OPHN1: variants seen among roughly 807,000 people sequenced by gnomAD.
OPHN1 encodes oligophrenin-1.
In OPHN1, 11 loss-of-function variants were observed where a neutral mutation model predicts 60.7. That is an observed-to-expected ratio of 0.18 (90% CI 0.11 to 0.30). The LOEUF is 0.30. Among genes scored for constraint, OPHN1 ranks in the 10% least tolerant of loss-of-function variants. The pLI is 1.00. For missense variants in OPHN1, 449 were observed against 611.0 expected (o/e 0.73, Z 2.80); for synonymous variants, 226 against 222.6 (o/e 1.02, Z -0.14).
intron 3 of OPHN1, among the ~76,000 whole-genome samples, chrX:68,290,084 TATTG>T (rs1393042479): frequency 9.0e-6 from 1 of 111,564 alleles, no homozygotes; most frequent in Admixed American, 9.5e-5. Flanking sequence ...CTTAACTATT[TATTG>T]ATTATTTACT....
chrX:68,365,055 G>T (rs1049508946), intron 2 of OPHN1, among the ~76,000 whole-genome samples: 1 of 112,158 alleles, frequency 8.9e-6, no homozygotes, highest in Non-Finnish European at 1.9e-5. Context: ...TATGATAACT[G>T]CTCCATGTGC....
intron 18 of OPHN1, among the ~76,000 whole-genome samples, chrX:68,109,703 C>T (rs780590275): frequency 2.1e-3 from 231 of 111,458 alleles, no homozygotes; most frequent in African/African-American, 7.1e-3. Flanking sequence ...GAAAAGCTAG[C>T]ATATTATAAA....
intron 21 of OPHN1, among the ~76,000 whole-genome samples, chrX:68,054,538 A>G (rs2147349916): frequency 9.0e-6 from 1 of 110,966 alleles, no homozygotes; most frequent in Non-Finnish European, 1.9e-5. Flanking sequence ...AACAGGCCCA[A>G]ATGGACTAAT....
chrX:68,384,903 C>T lies in OPHN1; in HGVS notation c.154+47964G>A, dbSNP rs1042600299. On this transcript the variant is annotated intron_variant, in intron 2 of 24. Transcript: ENST00000355520. The stretch of plus-strand genomic sequence containing the variant: ...AATGATATAACAGGCTTGGGGTCTC[C>T]GGGGGAAGGTTGGGAGGAGGGTGAC... Among the ~76,000 whole-genome samples the T allele has an allele frequency of 2.7e-5, 3 of 110,045 alleles. No individual in the cohort carries two copies. The Admixed American group carries it at 2.9e-4, about 11-fold the overall frequency.
At chrX:68,238,158 A>G (rs988066582) in intron 5 of OPHN1, among the ~76,000 whole-genome samples, 1 of 111,848 alleles carries the variant, frequency 8.9e-6, no homozygotes, top group African/African-American at 3.2e-5. Context: ...TTGTGATGTT[A>G]CGTAGGAATC....
chrX:68,122,359 A>G (rs2077154012), intron 15 of OPHN1, among the ~76,000 whole-genome samples: 1 of 110,977 alleles, frequency 9.0e-6, no homozygotes, highest in South Asian at 3.9e-4. Context: ...ATATCTGGAA[A>G]GTCTTCCCAA....
At chrX:68,155,204 A>G (rs185419540) in intron 15 of OPHN1, among the ~76,000 whole-genome samples, 23 of 112,084 alleles carry the variant, frequency 2.1e-4, no homozygotes, top group Admixed American at 1.2e-3. Flanking sequence ...CACTACATAA[A>G]TCAGTGGTTC....
At chrX:68,232,520 C>A in intron 6 of OPHN1, among the ~76,000 whole-genome samples, 1 of 111,643 alleles carries the variant, frequency 9.0e-6, no homozygotes, top group African/African-American at 3.3e-5. Context: ...TAGGGTTTTA[C>A]TGCGGGGCTA....
intron 19 of OPHN1, among the ~76,000 whole-genome samples, chrX:68,084,523 A>T (rs1332442913): frequency 9.1e-6 from 1 of 110,417 alleles, no homozygotes; most frequent in African/African-American, 3.3e-5. Context: ...ATCAGGTGAT[A>T]TGAACTTAAT....
chrX:68,208,936 C>T (rs971788741), intron 9 of OPHN1, among the ~76,000 whole-genome samples: 12 of 112,268 alleles, frequency 1.1e-4, no homozygotes, highest in South Asian at 7.5e-4. Flanking sequence ...AGAAATTGTG[C>T]GACACACAGT....
In OPHN1 at chrX:68,111,958, C is replaced by T. The variant is rs2077105974; in HGVS notation, c.1422G>A (p.Lys474=). 1 of 1,169,294 alleles carries T rather than the reference C, an allele frequency of 8.6e-7. No individual in the cohort carries two copies. Among genetic ancestry groups the T allele is most frequent in the Non-Finnish European group, 1.2e-6 (1 of 859,022 alleles). ...CTAGGCGGTAATCCAGGTTGTCAGA[C>T]TCTGGGATAGAACAGTAAGAGATAA... The part of the protein sequence containing the change: ...RLHKELVSAA[K]SDNLDYRLGA... The change falls in exon 18 of 25, where the codon AAG becomes AAA. Residue 474 remains lysine, a splice_region_variant and synonymous_variant. Transcript: ENST00000355520.
rs1218691047 is a variant in OPHN1, at chrX:68,256,992, A to G, written c.384+17746T>C. 3.7e-5 allele frequency among the ~76,000 whole-genome samples: 4 copies of G among 109,257 alleles called. No individual in the cohort carries two copies. The Admixed American group carries it at 3.9e-4, about 11-fold the overall frequency. 94.9% of individuals were successfully genotyped at this position (109,257 alleles called of 115,157 possible). A position where few individuals can be genotyped will look rare whatever the true frequency, so the allele number is the denominator to read the frequency against. On this transcript the variant is annotated intron_variant, in intron 5 of 24. Coordinates refer to ENST00000355520, the MANE Select transcript of OPHN1 (RefSeq NM_002547.3). ...GGTTGCAGTGAGCTGAGACTGCACTATGGCACTCCAGCCTGGGTGACAGAG... is the reference window on the plus strand; with the variant it reads ...GGTTGCAGTGAGCTGAGACTGCACTGTGGCACTCCAGCCTGGGTGACAGAG...
At chrX:68,123,056 AT>A (rs2147447843) in intron 15 of OPHN1, among the ~76,000 whole-genome samples, 1 of 111,272 alleles carries the variant, frequency 9.0e-6, no homozygotes, top group South Asian at 3.8e-4. Context: ...AAGATCAAGG[AT>A]AAAAAAAGGA....
chrX:68,179,209 CCTT>C (rs79456039), intron 15 of OPHN1, among the ~76,000 whole-genome samples: 54,127 of 110,547 alleles, frequency 0.49, 11,531 homozygotes, highest in East Asian at 0.87. Context: ...ACTAAATTCT[CCTT>C]CTCAGGAATT....
At chrX:68,185,394 G>C (rs765545013) in intron 15 of OPHN1, among the ~76,000 whole-genome samples, 5 of 111,827 alleles carry the variant, frequency 4.5e-5, no homozygotes, top group South Asian at 3.8e-4. Flanking sequence ...CTGAATACCA[G>C]ATTCCTAGAG....
chrX:68,194,767 A>G (rs1005646542), intron 12 of OPHN1, among the ~76,000 whole-genome samples: 2 of 109,855 alleles, frequency 1.8e-5, no homozygotes, highest in Admixed American at 2.0e-4. Context: ...TCAGGAGTTT[A>G]AGACCAGCCT....
intron 2 of OPHN1, among the ~76,000 whole-genome samples, chrX:68,416,067 T>TAGAGAG (rs1171250178): frequency 2.8e-3 from 23 of 8,328 alleles, no homozygotes; most frequent in South Asian, 0.011. Flanking sequence ...TATATATATA[T>TAGAGAG]AGAGAGAGAG....
At chrX:68,292,033 GA>G (rs1287588953) in intron 3 of OPHN1, among the ~76,000 whole-genome samples, 1 of 111,374 alleles carries the variant, frequency 9.0e-6, no homozygotes, top group Non-Finnish European at 1.9e-5. Flanking sequence ...TGCTATACAG[GA>G]AGTTCTTAGA....
intron 2 of OPHN1, among the ~76,000 whole-genome samples, chrX:68,316,901 G>A (rs960065018): frequency 9.0e-6 from 1 of 111,447 alleles, no homozygotes; most frequent in African/African-American, 3.3e-5. Flanking sequence ...CTATTATTCT[G>A]CCTACCACAG....
Sources: gnomAD v4.1 joint callset for allele counts (sites outside exome capture counted in the v4.1 genomes callset) on GRCh38, gnomAD v4.1.1 for gene constraint, MANE v1.5 for transcripts, NCBI Gene and HGNC (gene_info 2026-07-23, HGNC 2026-07-21) for gene names.